Variants in MALRD1 observed in about 807,000 individuals in gnomAD.
MALRD1 encodes MAM and LDL-receptor class A domain-containing protein 1.
In MALRD1, 247 loss-of-function variants were observed where a neutral mutation model predicts 242.1. The ratio of observed to expected loss-of-function variants is 1.02; its 90% CI spans 0.92 to 1.13. MALRD1 has a LOEUF of 1.13. Ranked by LOEUF, MALRD1 falls within the 50% of genes most tolerant of loss-of-function variation. MALRD1 has a pLI of 0.00. For missense variants in MALRD1, 2,989 were observed against 2,533.1 expected (o/e 1.18, Z -3.86); for synonymous variants, 995 against 866.6 (o/e 1.15, Z -2.60).
At chr10:19,581,447 C>G (rs892291700) in intron 33 of MALRD1, among the ~76,000 whole-genome samples, 2 of 149,928 alleles carry the variant, frequency 1.3e-5, no homozygotes, top group Non-Finnish European at 3.0e-5. Flanking sequence ...TCAATTCCCA[C>G]CTATGAATGA....
At chr10:19,088,536 C>CTTTTTTTTTTTT (rs748953378) in intron 4 of MALRD1, among the ~76,000 whole-genome samples, 1 of 110,034 alleles carries the variant, frequency 9.1e-6, no homozygotes, top group Non-Finnish European at 1.9e-5. Context: ...CTCTTTCTTT[C>CTTTTTTTTTTTT]TTTTTTTTTT....
chr10:19,386,427 T>A (rs953873441), intron 26 of MALRD1, among the ~76,000 whole-genome samples: 10 of 111,592 alleles, frequency 9.0e-5, no homozygotes, highest in East Asian at 3.1e-4. Context: ...AAAAAAAAAA[T>A]GTCAGATCCT....
At chr10:19,559,812 A>G (rs986812971) in intron 32 of MALRD1, among the ~76,000 whole-genome samples, 1 of 152,220 alleles carries the variant, frequency 6.6e-6, no homozygotes, top group East Asian at 1.9e-4. Context: ...AAACAACCCC[A>G]TCGAACCATG....
chr10:19,339,557 C>A (rs993604599), intron 24 of MALRD1, among the ~76,000 whole-genome samples: 1 of 152,138 alleles, frequency 6.6e-6, no homozygotes, highest in Non-Finnish European at 1.5e-5. Flanking sequence ...TTATTGCTTG[C>A]CATCCTGGCC....
rs111358555 is a variant in MALRD1, at chr10:19,147,123, G to T, written c.1558+779G>T. ...CCTCTCATCTCAGCCTCCCAAAAGTGCTGGGATTACAAGAGGGAGCCACCA... is the reference window on the plus strand; with the variant it reads ...CCTCTCATCTCAGCCTCCCAAAAGTTCTGGGATTACAAGAGGGAGCCACCA... On this transcript the variant is annotated intron_variant, in intron 11 of 39. Coordinates refer to ENST00000454679, the MANE Select transcript of MALRD1 (RefSeq NM_001142308.3). 2.9e-3 allele frequency among the ~76,000 whole-genome samples: 442 copies of T among 152,234 alleles called. 3 individuals are homozygous for T. The highest frequency in any genetic ancestry group is 9.5e-3 in the African/African-American group (396 of 41,528).
chr10:19,428,168 C>T (rs969871582), intron 28 of MALRD1, among the ~76,000 whole-genome samples: 5 of 151,736 alleles, frequency 3.3e-5, no homozygotes, highest in Non-Finnish European at 5.9e-5. Context: ...GGAGGTGAGG[C>T]GTTGGCAATT....
intron 36 of MALRD1, among the ~76,000 whole-genome samples, chr10:19,673,848 T>A (rs941780474): frequency 2.6e-5 from 4 of 151,780 alleles, no homozygotes; most frequent in African/African-American, 9.7e-5. Flanking sequence ...TATATGTACA[T>A]AATATTTAAG....
At chr10:19,488,728 A>G (rs898126581) in intron 29 of MALRD1, 31 of 197,336 alleles carry the variant, frequency 1.6e-4, no homozygotes, top group African/African-American at 6.7e-4. Flanking sequence ...ACCAAGGACA[A>G]AGGATTTTTA....
At chr10:19,426,768 A>C (rs890136530) in intron 28 of MALRD1, among the ~76,000 whole-genome samples, 5 of 152,188 alleles carry the variant, frequency 3.3e-5, no homozygotes, top group South Asian at 2.1e-4. Flanking sequence ...GTGCCACTGC[A>C]CTCCAGCCTG....
At chr10:19,429,279 A>C (rs376826464) in intron 28 of MALRD1, among the ~76,000 whole-genome samples, 1 of 152,064 alleles carries the variant, frequency 6.6e-6, no homozygotes, top group African/African-American at 2.4e-5. Context: ...AGTCAAATAG[A>C]GTCACTTAGG....
chr10:19,204,043 A>G (rs1836671931), intron 15 of MALRD1, among the ~76,000 whole-genome samples, 163 bp downstream of exon 15: 1 of 152,180 alleles, frequency 6.6e-6, no homozygotes, highest in Admixed American at 6.5e-5. Flanking sequence ...TGATTCCTTT[A>G]TGGGTGGTAC....
At chr10:19,097,444 C>A (rs1472112225) in intron 4 of MALRD1, among the ~76,000 whole-genome samples, 1 of 152,196 alleles carries the variant, frequency 6.6e-6, no homozygotes, top group Non-Finnish European at 1.5e-5. Flanking sequence ...TTAGGCATTG[C>A]ATGCTGCTGA....
chr10:19,448,274 T>A (rs961795871), intron 28 of MALRD1, among the ~76,000 whole-genome samples: 4 of 152,170 alleles, frequency 2.6e-5, no homozygotes, highest in African/African-American at 9.7e-5. Flanking sequence ...ACATTTTGCT[T>A]CCCTTCTGTA....
chr10:19,644,779 C>A (rs1840572429), intron 36 of MALRD1, among the ~76,000 whole-genome samples: 3 of 152,088 alleles, frequency 2.0e-5, no homozygotes, highest in Admixed American at 2.0e-4. Flanking sequence ...ATTAGACATA[C>A]ATTCCTAAAG....
intron 36 of MALRD1, among the ~76,000 whole-genome samples, chr10:19,635,986 C>T (rs1840109366): frequency 6.6e-6 from 1 of 152,102 alleles, no homozygotes; most frequent in African/African-American, 2.4e-5. Flanking sequence ...CTGCAACCTC[C>T]TCTTCCTGGG....
intron 18 of MALRD1, among the ~76,000 whole-genome samples, chr10:19,236,573 T>A (rs1838325818): frequency 6.6e-6 from 1 of 152,154 alleles, no homozygotes; most frequent in African/African-American, 2.4e-5. Context: ...TCACTCTTAC[T>A]TCCTAAGTTA....
At chr10:19,510,895 C>T (rs538128319) in intron 31 of MALRD1, among the ~76,000 whole-genome samples, 2 of 152,288 alleles carry the variant, frequency 1.3e-5, no homozygotes, top group African/African-American at 2.4e-5. Context: ...AGATTAGTTT[C>T]TATACCAGAT....
At chr10:19,335,620 G>T (rs1247232187) in intron 24 of MALRD1, among the ~76,000 whole-genome samples, 6 of 152,080 alleles carry the variant, frequency 3.9e-5, no homozygotes, top group Non-Finnish European at 1.5e-5. Context: ...ATGTATTTGG[G>T]TTTAAATTCC....
chr10:19,137,602 C>T (rs1454210366), intron 10 of MALRD1, among the ~76,000 whole-genome samples: 9 of 134,822 alleles, frequency 6.7e-5, no homozygotes, highest in South Asian at 2.3e-4. Context: ...CGTGAGACTC[C>T]GTCTGAAAAA....
Sources: gnomAD v4.1 joint callset for allele counts (sites outside exome capture counted in the v4.1 genomes callset) on GRCh38, gnomAD v4.1.1 for gene constraint, MANE v1.5 for transcripts, NCBI Gene and HGNC (gene_info 2026-07-23, HGNC 2026-07-21) for gene names.